Variants in KLF8 observed in about 807,000 individuals in gnomAD.
KLF8 encodes Krueppel-like factor 8.
KLF8 carries 10 observed loss-of-function variants against 18.2 expected under a neutral mutation model. The observed-to-expected ratio is 0.55, with a 90% CI of 0.34 to 0.93. KLF8 has a LOEUF of 0.93. KLF8 is among the 40% of genes least tolerant of loss of function. The pLI, the probability that KLF8 is intolerant of heterozygous loss-of-function variation, is 0.02. For missense variants in KLF8, 264 were observed against 277.9 expected, an observed-to-expected ratio of 0.95 and a Z score of 0.36; for synonymous variants, 109 against 97.3, an observed-to-expected ratio of 1.12 and a Z score of -0.71.
chrX:56,153,973 A>C, the KLF8 span, among the ~76,000 whole-genome samples: 1 of 111,832 alleles, frequency 8.9e-6, no homozygotes, highest in African/African-American at 3.2e-5. Context: ...CATGAGTAGG[A>C]AGAATCAATA....
the KLF8 span, among the ~76,000 whole-genome samples, chrX:55,996,190 G>T: frequency 5.0e-4 from 56 of 111,912 alleles, no homozygotes; most frequent in African/African-American, 1.7e-3. Context: ...TGAAATTCTT[G>T]TAGGGAGTTT....
At chrX:56,101,415 G>C in the KLF8 span, among the ~76,000 whole-genome samples, 1 of 111,974 alleles carries the variant, frequency 8.9e-6, no homozygotes, top group Non-Finnish European at 1.9e-5. Flanking sequence ...ATTGTGAATA[G>C]CACTGTGAAG....
the KLF8 span, among the ~76,000 whole-genome samples, chrX:56,007,369 C>G: frequency 9.0e-6 from 1 of 110,989 alleles, no homozygotes; most frequent in African/African-American, 3.3e-5. Flanking sequence ...TGGAACCCAG[C>G]ACACACTCCT....
the KLF8 span, among the ~76,000 whole-genome samples, chrX:56,049,432 A>G: frequency 1.4e-4 from 16 of 110,745 alleles, no homozygotes; most frequent in African/African-American, 5.3e-4. Context: ...TTATTTTGAA[A>G]TACGTCCCAT....
chrX:56,243,798 T>A (rs2066585722), intron 1 of KLF8, among the ~76,000 whole-genome samples: 1 of 110,077 alleles, frequency 9.1e-6, no homozygotes, highest in Non-Finnish European at 1.9e-5. Context: ...CCTCCAAAAG[T>A]GCTAGGATAA....
At chrX:56,145,591 T>C in the KLF8 span, among the ~76,000 whole-genome samples, 2 of 112,614 alleles carry the variant, frequency 1.8e-5, no homozygotes, top group Admixed American at 9.4e-5. Flanking sequence ...CAAAATGTGA[T>C]ATATCCAAAC....
the KLF8 span, among the ~76,000 whole-genome samples, chrX:56,201,849 G>A: frequency 9.0e-6 from 1 of 111,635 alleles, no homozygotes; most frequent in South Asian, 3.8e-4. Context: ...CTGGCCCTAA[G>A]TCAGTTTTCA....
chrX:56,171,190 CA>C, the KLF8 span, among the ~76,000 whole-genome samples: 1 of 111,484 alleles, frequency 9.0e-6, no homozygotes, highest in Non-Finnish European at 1.9e-5. Context: ...AAGAATCCAT[CA>C]AAAACTAATA....
chrX:56,207,273 C>T, the KLF8 span, among the ~76,000 whole-genome samples: 1 of 112,742 alleles, frequency 8.9e-6, no homozygotes, highest in Non-Finnish European at 1.9e-5. Flanking sequence ...CAAATTTCTG[C>T]AGCTGGCTTG....
Position 56,265,461 on chromosome X carries a change from G to A in KLF8, c.363G>A (p.Val121=), listed in dbSNP as rs1318618088. ...CACAGTCTTCTCCCCAGACCCTTGT[G>A]GTGTCCACGTCAACATCTGACATGA... ...PKPQSSPQTL[V]VSTSTSDMST... is the part of the protein sequence containing the mutation. Residue 121 remains valine (V), a synonymous_variant, in exon 3 of 6, where the codon GTG becomes GTA. Coordinates refer to ENST00000468660, the MANE Select transcript of KLF8 (RefSeq NM_007250.5). 8.3e-7 allele frequency: 1 copy of A among 1,210,074 alleles called. No individual in the cohort carries two copies. The highest frequency in any genetic ancestry group is 1.1e-6 in the Non-Finnish European group (1 of 895,279).
At chrX:56,071,260 C>CA in the KLF8 span, among the ~76,000 whole-genome samples, 752 of 111,270 alleles carry the variant, frequency 6.8e-3, 7 homozygotes, top group African/African-American at 0.023. Context: ...TATTAAAAGA[C>CA]AAAAAAACTA....
chrX:56,266,862 C>T, intron 3 of KLF8: 1 of 754,001 alleles, frequency 1.3e-6, no homozygotes, highest in Non-Finnish European at 1.6e-6. Flanking sequence ...CAACATACTA[C>T]TAAGCATCAA....
the KLF8 span, among the ~76,000 whole-genome samples, chrX:56,043,697 T>C: frequency 2.7e-5 from 3 of 112,263 alleles, no homozygotes; most frequent in Non-Finnish European, 5.6e-5. Context: ...GGCTATCAGC[T>C]CCTGCATTGT....
the KLF8 span, chrX:56,014,817 G>GTTTTTTTTT: frequency 5.1e-5 from 3 of 59,370 alleles, no homozygotes; most frequent in Non-Finnish European, 8.5e-5. Flanking sequence ...ACAAGATCAT[G>GTTTTTTTTT]TTTTTTTTTT....
chrX:56,085,821 G>C, the KLF8 span, among the ~76,000 whole-genome samples: 1 of 111,971 alleles, frequency 8.9e-6, no homozygotes, highest in Admixed American at 9.5e-5. Flanking sequence ...AGAAATATCT[G>C]AGCTCAGTTC....
At chrX:56,185,524 C>T in the KLF8 span, among the ~76,000 whole-genome samples, 7 of 111,115 alleles carry the variant, frequency 6.3e-5, no homozygotes, top group South Asian at 3.7e-4. Context: ...ATACAGAGAA[C>T]ACCACAAAGA....
chrX:56,248,615 G>A (rs1044512757), intron 1 of KLF8, among the ~76,000 whole-genome samples: 1 of 111,583 alleles, frequency 9.0e-6, no homozygotes, highest in Non-Finnish European at 1.9e-5. Flanking sequence ...AATGCAGAGG[G>A]AGAATCGAAT....
At chrX:56,116,816 C>G in the KLF8 span, among the ~76,000 whole-genome samples, 1 of 109,489 alleles carries the variant, frequency 9.1e-6, no homozygotes, top group African/African-American at 3.3e-5. Context: ...CTATAGTCAC[C>G]ATGCTGTACC....
chrX:56,185,611 G>C, the KLF8 span, among the ~76,000 whole-genome samples: 1 of 111,894 alleles, frequency 8.9e-6, no homozygotes, highest in African/African-American at 3.2e-5. Flanking sequence ...AAAATGTTAA[G>C]AGCAGCCAGA....
Sources: allele counts gnomAD v4.1 joint callset (sites outside exome capture counted in the v4.1 genomes callset), GRCh38; gene constraint gnomAD v4.1.1; transcripts MANE v1.5; gene names NCBI Gene and HGNC (gene_info 2026-07-23, HGNC 2026-07-21).